The following ROBO2 variants were observed in gnomAD, a reference collection of about 807,000 sequenced individuals.
The protein encoded by ROBO2 is roundabout homolog 2.
A neutral mutation model predicts 160.8 loss-of-function variants in ROBO2; 53 were observed. The observed-to-expected ratio is 0.33, with a 90% CI of 0.26 to 0.41. ROBO2 has a LOEUF of 0.41. ROBO2 is among the 10% of genes least tolerant of loss of function. ROBO2 has a pLI of 1.00. For missense variants in ROBO2, 1,577 were observed against 1,722.4 expected (o/e 0.92, Z 1.49); for synonymous variants, 664 against 611.7 (o/e 1.09, Z -1.26).
chr3:76,890,509 G>A (rs572407276), intron 2 of ROBO2, among the ~76,000 whole-genome samples: 1 of 152,182 alleles, frequency 6.6e-6, no homozygotes, highest in Admixed American at 6.5e-5. Context: ...GTCTGTCCCA[G>A]AAGAGCCATA....
At chr3:76,513,356 T>C (rs9809385) in intron 2 of ROBO2, among the ~76,000 whole-genome samples, 10,686 of 151,582 alleles carry the variant, frequency 0.07, 1,134 homozygotes, top group African/African-American at 0.23. Context: ...TCTATTTATT[T>C]ATTTTTATTT....
At chr3:77,539,933 G>A (rs1205075047) in intron 6 of ROBO2, among the ~76,000 whole-genome samples, 2 of 152,202 alleles carry the variant, frequency 1.3e-5, no homozygotes, top group African/African-American at 2.4e-5. Flanking sequence ...ACAAGACCAA[G>A]CAAATACTAG....
intron 2 of ROBO2, among the ~76,000 whole-genome samples, chr3:76,016,983 G>C (rs1182043471): frequency 6.6e-6 from 1 of 152,108 alleles, no homozygotes; most frequent in African/African-American, 2.4e-5. Flanking sequence ...AATACCATCA[G>C]TTACATGAGG....
At chr3:76,304,644 TAG>T (rs1228017687) in intron 2 of ROBO2, among the ~76,000 whole-genome samples, 4 of 151,554 alleles carry the variant, frequency 2.6e-5, no homozygotes, top group Admixed American at 1.3e-4. Flanking sequence ...GGAAAGTAGT[TAG>T]AGAGTCACAC....
intron 2 of ROBO2, among the ~76,000 whole-genome samples, chr3:76,746,372 T>C (rs1012193712): frequency 3.9e-5 from 6 of 152,026 alleles, no homozygotes; most frequent in Non-Finnish European, 1.5e-5. Flanking sequence ...CTGGGTCAAA[T>C]GGTATTTCTA....
intron 2 of ROBO2, among the ~76,000 whole-genome samples, chr3:76,446,121 G>A (rs2077168474): frequency 6.6e-6 from 1 of 152,138 alleles, no homozygotes; most frequent in South Asian, 2.1e-4. Flanking sequence ...CAGATGACAT[G>A]ATTGTACATT....
intron 2 of ROBO2, among the ~76,000 whole-genome samples, chr3:76,554,159 C>A (rs530741632): frequency 6.6e-6 from 1 of 152,190 alleles, no homozygotes; most frequent in African/African-American, 2.4e-5. Context: ...TATTGTATAA[C>A]TTGTTTGAAA....
At chr3:77,593,077 C>T (rs887561508) in intron 17 of ROBO2, among the ~76,000 whole-genome samples, 1 of 152,096 alleles carries the variant, frequency 6.6e-6, no homozygotes, top group Non-Finnish European at 1.5e-5. Context: ...AACTACTTAG[C>T]TTCTCACATA....
chr3:77,165,995 G>C (rs1045055169), intron 2 of ROBO2, among the ~76,000 whole-genome samples: 1 of 152,032 alleles, frequency 6.6e-6, no homozygotes, highest in Non-Finnish European at 1.5e-5. Context: ...TGTACAACAC[G>C]TACCATTTGA....
At chr3:77,606,006 C>G (rs775442272) in intron 20 of ROBO2, among the ~76,000 whole-genome samples, 3 of 152,100 alleles carry the variant, frequency 2.0e-5, no homozygotes, top group Non-Finnish European at 4.4e-5. Flanking sequence ...AGAAATGGTT[C>G]CTGTCTGATA....
intron 2 of ROBO2, among the ~76,000 whole-genome samples, chr3:76,460,602 C>T (rs1297972655): frequency 6.6e-6 from 1 of 152,168 alleles, no homozygotes; most frequent in Non-Finnish European, 1.5e-5. Context: ...TGAGGCTCTC[C>T]ACCAACAAGG....
chr3:76,040,162 A>G (rs2067236226), intron 2 of ROBO2, among the ~76,000 whole-genome samples: 1 of 151,918 alleles, frequency 6.6e-6, no homozygotes, highest in South Asian at 2.1e-4. Flanking sequence ...GGGAAATTTT[A>G]GCAATTATTT....
intron 2 of ROBO2, among the ~76,000 whole-genome samples, chr3:77,196,017 C>T (rs1345871958): frequency 6.6e-6 from 1 of 152,132 alleles, no homozygotes; most frequent in African/African-American, 2.4e-5. Context: ...CACATTGATT[C>T]GGACTAGGGG....
intron 2 of ROBO2, among the ~76,000 whole-genome samples, chr3:77,456,584 A>G (rs986489124): frequency 6.6e-6 from 1 of 152,224 alleles, no homozygotes; most frequent in African/African-American, 2.4e-5. Flanking sequence ...AAGAAAACAA[A>G]CAGACTTCTC....
chr3:77,329,123 T>G (rs2065735277), intron 2 of ROBO2, among the ~76,000 whole-genome samples: 1 of 152,164 alleles, frequency 6.6e-6, no homozygotes, highest in Admixed American at 6.5e-5. Context: ...CCCCATTAAT[T>G]AATAGTCCAG....
chr3:77,339,017 G>A (rs1333062696), intron 2 of ROBO2, among the ~76,000 whole-genome samples: 1 of 152,038 alleles, frequency 6.6e-6, no homozygotes, highest in Non-Finnish European at 1.5e-5. Context: ...TATTATGATA[G>A]AACAACAAAC....
intron 2 of ROBO2, among the ~76,000 whole-genome samples, chr3:76,469,868 G>A (rs2078563711): frequency 6.6e-6 from 1 of 152,076 alleles, no homozygotes. Context: ...AGAACCAAGA[G>A]ATCCAGTAAA....
intron 2 of ROBO2, among the ~76,000 whole-genome samples, chr3:76,219,854 G>A (rs7371995): frequency 0.98 from 148,366 of 152,144 alleles, 72,452 homozygotes; most frequent in East Asian, 1. Flanking sequence ...TATAAATCAT[G>A]CTGCTATAAA....
At chr3:77,445,207 C>A (rs1392874059) in intron 2 of ROBO2, among the ~76,000 whole-genome samples, 2 of 152,150 alleles carry the variant, frequency 1.3e-5, no homozygotes, top group East Asian at 1.9e-4. Context: ...TCATTAGCCA[C>A]TCTACGCTAC....
Sources: gnomAD v4.1 joint callset for allele counts (sites outside exome capture counted in the v4.1 genomes callset) on GRCh38, gnomAD v4.1.1 for gene constraint, MANE v1.5 for transcripts, NCBI Gene and HGNC (gene_info 2026-07-23, HGNC 2026-07-21) for gene names.